LRP1B: variants seen among roughly 807,000 people sequenced by gnomAD.
LRP1B encodes low-density lipoprotein receptor-related protein 1B.
In LRP1B, 217 loss-of-function variants were observed where a neutral mutation model predicts 556.6. The observed-to-expected ratio is 0.39, with a 90% CI of 0.35 to 0.44. The LOEUF is 0.44. LRP1B is among the 20% of genes least tolerant of loss of function. The pLI is 1.00. For synonymous variants in LRP1B, 2,047 were observed against 1,865.8 expected, an observed-to-expected ratio of 1.10 and a Z score of -2.50; for missense variants, 5,053 against 5,620.8, an observed-to-expected ratio of 0.90 and a Z score of 3.23.
intron 11 of LRP1B, among the ~76,000 whole-genome samples, chr2:141,022,362 A>G (rs569860114): frequency 3.9e-5 from 6 of 152,034 alleles, no homozygotes; most frequent in African/African-American, 1.2e-4. Flanking sequence ...AAAAAGATCT[A>G]TGAGCAAATT....
At chr2:140,731,764 C>CAAAAAAAAAAAA (rs36060787) in intron 35 of LRP1B, among the ~76,000 whole-genome samples, 9 of 59,402 alleles carry the variant, frequency 1.5e-4, no homozygotes, top group African/African-American at 4.7e-4. Context: ...GAGACTCCGT[C>CAAAAAAAAAAAA]AAAAAAAAAA....
chr2:141,506,987 G>T (rs547365427), intron 2 of LRP1B, among the ~76,000 whole-genome samples: 1 of 152,162 alleles, frequency 6.6e-6, no homozygotes, highest in South Asian at 2.1e-4. Context: ...CTATACAAAG[G>T]TGATGCTTAT....
intron 2 of LRP1B, among the ~76,000 whole-genome samples, chr2:141,547,962 G>A (rs1194333421): frequency 6.6e-6 from 1 of 152,104 alleles, no homozygotes; most frequent in Non-Finnish European, 1.5e-5. Flanking sequence ...ACCTAGCTCT[G>A]TTGGGTGACA....
intron 2 of LRP1B, among the ~76,000 whole-genome samples, chr2:141,525,133 C>A (rs1181478147): frequency 5.9e-5 from 9 of 151,988 alleles, no homozygotes; most frequent in Admixed American, 6.6e-5. Context: ...ACAGTTTCAT[C>A]CCGAATCAGT....
chr2:140,957,081 C>T (rs1695896111), intron 18 of LRP1B, among the ~76,000 whole-genome samples: 1 of 151,492 alleles, frequency 6.6e-6, no homozygotes, highest in African/African-American at 2.4e-5. Context: ...ATTTGGAATA[C>T]AATTAAGTGA....
intron 35 of LRP1B, among the ~76,000 whole-genome samples, chr2:140,768,356 T>G (rs1230595618): frequency 6.6e-6 from 1 of 151,916 alleles, no homozygotes; most frequent in African/African-American, 2.4e-5. Context: ...CTATTTGTTT[T>G]TTAACATTAG....
At chr2:140,421,734 C>T (rs568198818) in intron 66 of LRP1B, among the ~76,000 whole-genome samples, 4 of 152,170 alleles carry the variant, frequency 2.6e-5, no homozygotes, top group African/African-American at 9.7e-5. Context: ...CTCTCATCAG[C>T]TTTCTAAGGC....
chr2:140,702,254 C>T lies in LRP1B; in HGVS notation c.6189G>A (p.Lys2063=). ...KLYWCDARTD[K]IERIDLETGG... ...CAGTCTCAAGGTCGATTCTCTCTAT[C>T]TTGTCTGTGCGAGCATCACACCAGT... Residue 2063 remains lysine (K), a synonymous_variant, in exon 39 of 91, where the codon AAG becomes AAA. Coordinates refer to ENST00000389484, the MANE Select transcript of LRP1B (RefSeq NM_018557.3). 1.9e-6 allele frequency: 3 copies of T among 1,613,744 alleles called. No homozygotes were observed. The highest frequency in any genetic ancestry group is 2.5e-6 in the Non-Finnish European group (3 of 1,179,756).
intron 2 of LRP1B, among the ~76,000 whole-genome samples, chr2:141,795,899 T>TATAC (rs1247641787): frequency 2.6e-5 from 2 of 77,022 alleles, no homozygotes; most frequent in African/African-American, 9.1e-5. Context: ...TATATATATA[T>TATAC]AATCTTTAAG....
intron 3 of LRP1B, among the ~76,000 whole-genome samples, chr2:141,386,039 T>C (rs1313971141): frequency 6.6e-6 from 1 of 152,166 alleles, no homozygotes; most frequent in African/African-American, 2.4e-5. Context: ...ACAGATTATC[T>C]ACATGGATGG....
intron 1 of LRP1B, among the ~76,000 whole-genome samples, chr2:141,918,326 A>G (rs1700092631): frequency 6.6e-6 from 1 of 152,100 alleles, no homozygotes; most frequent in Admixed American, 6.5e-5. Context: ...CATAGCAAAT[A>G]TACTGTGCAC....
At chr2:141,817,835 A>T (rs1410122880) in intron 1 of LRP1B, among the ~76,000 whole-genome samples, 1 of 152,192 alleles carries the variant, frequency 6.6e-6, no homozygotes, top group East Asian at 1.9e-4. Flanking sequence ...AGGACACTAT[A>T]GAAAAACTTT....
intron 3 of LRP1B, among the ~76,000 whole-genome samples, chr2:141,419,220 T>A (rs1206856753): frequency 7.9e-6 from 1 of 127,048 alleles, no homozygotes; most frequent in Non-Finnish European, 1.8e-5. Flanking sequence ...GATTTTTGGA[T>A]CTTATTTATT....
intron 41 of LRP1B, among the ~76,000 whole-genome samples, chr2:140,684,349 G>T (rs1167826606): frequency 6.6e-6 from 1 of 152,202 alleles, no homozygotes. Flanking sequence ...TTCGAATGGT[G>T]ACTAAATTAA....
intron 43 of LRP1B, among the ~76,000 whole-genome samples, chr2:140,590,934 A>C (rs979157518): frequency 1.4e-4 from 22 of 152,216 alleles, no homozygotes; most frequent in African/African-American, 5.3e-4. Context: ...TATGTTTTAC[A>C]TGATAATTTT....
chr2:140,719,242 A>G (rs1177807800), intron 35 of LRP1B, among the ~76,000 whole-genome samples: 1 of 152,134 alleles, frequency 6.6e-6, no homozygotes, highest in African/African-American at 2.4e-5. Context: ...AGATACAAAG[A>G]AAACACATCT....
chr2:140,237,706 G>A (rs1384144477), intron 89 of LRP1B, among the ~76,000 whole-genome samples: 1 of 150,484 alleles, frequency 6.6e-6, no homozygotes, highest in East Asian at 2.0e-4. Context: ...TCTTCTCCTT[G>A]CATATATTTC....
intron 2 of LRP1B, among the ~76,000 whole-genome samples, chr2:141,717,783 A>T (rs746228670): frequency 7.5e-4 from 115 of 152,338 alleles, no homozygotes; most frequent in Non-Finnish European, 1.2e-3. Flanking sequence ...GATACTTTAA[A>T]TTTTGGAATA....
chr2:140,234,672 C>G, intron 90 of LRP1B, 114 bp downstream of exon 90: 1 of 589,204 alleles, frequency 1.7e-6, no homozygotes, highest in East Asian at 2.8e-5. Flanking sequence ...ATTTTGAAAT[C>G]TCTTGTTAAT....
Sources: gnomAD v4.1 joint callset for allele counts (sites outside exome capture counted in the v4.1 genomes callset) on GRCh38, gnomAD v4.1.1 for gene constraint, MANE v1.5 for transcripts, NCBI Gene and HGNC (gene_info 2026-07-23, HGNC 2026-07-21) for gene names.